The following KHDRBS3 variants were observed in gnomAD, a reference collection of about 807,000 sequenced individuals.
KHDRBS3 encodes KH domain-containing, RNA-binding, signal transduction-associated protein 3.
A neutral mutation model predicts 45.6 loss-of-function variants in KHDRBS3; 23 were observed. The observed-to-expected ratio is 0.50, with a 90% CI of 0.36 to 0.72. The LOEUF is 0.72. Ranked by LOEUF, KHDRBS3 falls within the 30% of genes least tolerant of loss-of-function variation. The pLI is 0.00. For missense variants in KHDRBS3, 352 were observed against 424.8 expected, an observed-to-expected ratio of 0.83 and a Z score of 1.51; for synonymous variants, 162 against 156.5, an observed-to-expected ratio of 1.04 and a Z score of -0.26.
chr8:135,601,808 G>A (rs1286154544), intron 6 of KHDRBS3, among the ~76,000 whole-genome samples: 1 of 152,114 alleles, frequency 6.6e-6, no homozygotes, highest in Non-Finnish European at 1.5e-5. Context: ...TCAATTATCT[G>A]TTGCGTTATA....
intron 5 of KHDRBS3, among the ~76,000 whole-genome samples, chr8:135,574,133 C>T (rs867889960): frequency 6.6e-6 from 1 of 152,164 alleles, no homozygotes; most frequent in Non-Finnish European, 1.5e-5. Flanking sequence ...TGCGATAAGA[C>T]AGGATTCTTG....
chr8:135,591,258 G>GA (rs934988601), intron 6 of KHDRBS3, among the ~76,000 whole-genome samples: 4 of 152,100 alleles, frequency 2.6e-5, no homozygotes, highest in African/African-American at 9.7e-5. Context: ...AAATAAATGG[G>GA]AAAAAATATT....
chr8:135,494,348 G>T (rs867510329), intron 1 of KHDRBS3, among the ~76,000 whole-genome samples: 25 of 134,690 alleles, frequency 1.9e-4, no homozygotes, highest in Middle Eastern at 4.2e-3. Flanking sequence ...GCGTGATCTC[G>T]GCTCACTGCA....
intron 7 of KHDRBS3, among the ~76,000 whole-genome samples, chr8:135,641,694 C>T (rs1239759892): frequency 2.0e-5 from 3 of 152,218 alleles, no homozygotes; most frequent in African/African-American, 7.2e-5. Flanking sequence ...AAGACTCCCA[C>T]GTGGAAGCCA....
At chr8:135,487,426 C>T (rs966083730) in intron 1 of KHDRBS3, among the ~76,000 whole-genome samples, 1 of 152,114 alleles carries the variant, frequency 6.6e-6, no homozygotes, top group Non-Finnish European at 1.5e-5. Flanking sequence ...ATAGCAGATA[C>T]TGAACTCTGG....
intron 6 of KHDRBS3, among the ~76,000 whole-genome samples, chr8:135,584,639 A>G (rs1011972679): frequency 6.6e-6 from 1 of 152,230 alleles, no homozygotes; most frequent in Admixed American, 6.5e-5. Flanking sequence ...GCTTCACTGT[A>G]TATAACAAAC....
intron 1 of KHDRBS3, among the ~76,000 whole-genome samples, chr8:135,496,181 A>G (rs531776976): frequency 1.0e-5 from 1 of 97,042 alleles, no homozygotes; most frequent in African/African-American, 3.1e-5. Context: ...AGAGAGGGAA[A>G]GGTCATGCAA....
chr8:135,503,975 G>A (rs1195901912), intron 1 of KHDRBS3, among the ~76,000 whole-genome samples: 3 of 152,128 alleles, frequency 2.0e-5, no homozygotes, highest in African/African-American at 7.2e-5. Flanking sequence ...TTTGTTATGT[G>A]TGGTTTCCAG....
At position 135,644,295 on chromosome 8, in the gene KHDRBS3, T is replaced by A. The variant is rs1427982906; in HGVS notation, c.891-764T>A. On this transcript the variant is annotated intron_variant, in intron 7 of 8. Coordinates refer to ENST00000355849, the MANE Select transcript of KHDRBS3 (RefSeq NM_006558.3). ...CAGTGATGGCTCTTTCCTCGTGCTC[T>A]CTCAAGGATGTTGTACATTGGAACG... Among the ~76,000 whole-genome samples the A allele has an allele frequency of 3.9e-5, 6 of 152,288 alleles. No homozygotes were observed. In the South Asian group the frequency reaches 1.2e-3, roughly 32 times the overall value.
chr8:135,492,242 A>G (rs550996472), intron 1 of KHDRBS3, among the ~76,000 whole-genome samples: 1 of 152,184 alleles, frequency 6.6e-6, no homozygotes, highest in South Asian at 2.1e-4. Context: ...TTAGCACTAG[A>G]TACGTGGATT....
intron 1 of KHDRBS3, among the ~76,000 whole-genome samples, chr8:135,490,158 A>G (rs769349392): frequency 6.6e-6 from 1 of 152,156 alleles, no homozygotes; most frequent in Non-Finnish European, 1.5e-5. Flanking sequence ...AGTGCACTCC[A>G]TGATGTTCCC....
intron 1 of KHDRBS3, among the ~76,000 whole-genome samples, chr8:135,493,164 G>A (rs553627781): frequency 8.4e-4 from 127 of 151,714 alleles, no homozygotes; most frequent in African/African-American, 2.9e-3. Flanking sequence ...TGCAAGCTCC[G>A]CCTCCCGGGT....
intron 1 of KHDRBS3, among the ~76,000 whole-genome samples, chr8:135,492,094 A>G (rs1469005943): frequency 6.6e-6 from 1 of 152,206 alleles, no homozygotes; most frequent in African/African-American, 2.4e-5. Flanking sequence ...TGTGGATACC[A>G]TAGTACTAGA....
intron 6 of KHDRBS3, among the ~76,000 whole-genome samples, chr8:135,597,559 C>T (rs1829027134): frequency 6.6e-6 from 1 of 152,042 alleles, no homozygotes; most frequent in African/African-American, 2.4e-5. Context: ...CTCAAACCTC[C>T]CCAACACTCT....
At chr8:135,622,286 A>T (rs1337988753) in intron 7 of KHDRBS3, among the ~76,000 whole-genome samples, 2 of 152,226 alleles carry the variant, frequency 1.3e-5, no homozygotes, top group Non-Finnish European at 2.9e-5. Flanking sequence ...CAGTAATGTT[A>T]AAACAAAGTA....
chr8:135,545,266 T>C (rs1421978138), intron 3 of KHDRBS3, among the ~76,000 whole-genome samples: 1 of 152,020 alleles, frequency 6.6e-6, no homozygotes, highest in Non-Finnish European at 1.5e-5. Flanking sequence ...GGCCAGGAGA[T>C]GATAAGGAGG....
chr8:135,620,230 C>G (rs541669355), intron 7 of KHDRBS3, among the ~76,000 whole-genome samples: 7 of 152,030 alleles, frequency 4.6e-5, no homozygotes, highest in Non-Finnish European at 8.8e-5. Flanking sequence ...GAGACGGTGC[C>G]ACTGTCACTT....
At chr8:135,533,496 ATACACACAC>A in intron 2 of KHDRBS3, among the ~76,000 whole-genome samples, 2 of 152,142 alleles carry the variant, frequency 1.3e-5, no homozygotes. Context: ...GTGTGTGTGT[ATACACACAC>A]AGTACCCATT....
intron 1 of KHDRBS3, among the ~76,000 whole-genome samples, chr8:135,503,180 T>C (rs979003896): frequency 1.3e-5 from 2 of 152,242 alleles, no homozygotes. Context: ...AAAAGCGTCA[T>C]ACAGAAATAT....
Sources: allele counts gnomAD v4.1 joint callset (sites outside exome capture counted in the v4.1 genomes callset), GRCh38; gene constraint gnomAD v4.1.1; transcripts MANE v1.5; gene names NCBI Gene and HGNC (gene_info 2026-07-23, HGNC 2026-07-21).